Variants in MAP3K14 observed in about 807,000 individuals in gnomAD.
MAP3K14 encodes the protein NF-kappa-beta-inducing kinase.
A neutral mutation model predicts 99.2 loss-of-function variants in MAP3K14; 16 were observed. The ratio of observed to expected loss-of-function variants is 0.16; its 90% CI spans 0.11 to 0.24. The LOEUF (loss-of-function observed/expected upper bound fraction) is 0.24. MAP3K14 is among the 10% of genes least tolerant of loss of function. The probability of loss-of-function intolerance (pLI) is 1.00; values close to 1 mark genes in which losing one functional copy is unlikely to be tolerated. For missense variants in MAP3K14, 784 were observed against 1,208.7 expected (o/e 0.65, Z 5.21); for synonymous variants, 462 against 492.4 (o/e 0.94, Z 0.82).
chr17:45,264,661 T>C lies in MAP3K14; in HGVS notation c.2819A>G (p.His940Arg). 1.9e-6 allele frequency: 3 copies of C among 1,591,164 alleles called. No individual in the cohort carries two copies. The highest frequency in any genetic ancestry group is 1.7e-6 in the Non-Finnish European group (2 of 1,169,402). Residue 940 changes from histidine (H) to arginine (R), a missense_variant, in exon 16 of 16, where the codon CAT (histidine) becomes CGT (arginine). His to Arg is a conservative substitution (Grantham distance 29). Transcript: ENST00000344686. ...TTAGGGCCTGTTCTCCAGCTGGCCA[T>C]GCTTGACCCTCCAGCTCCAGGCGAA... ...GSFAWSWRVKHGQLENRP is the reference protein window; with the variant it reads ...GSFAWSWRVKRGQLENRP
At chr17:45,293,105 G>A (rs921664418) in intron 1 of MAP3K14, among the ~76,000 whole-genome samples, 6 of 152,204 alleles carry the variant, frequency 3.9e-5, no homozygotes, top group African/African-American at 9.7e-5. Context: ...CGCAACTGAC[G>A]CTGGCTGAAC....
chr17:45,313,040 C>T (rs2044496337), intron 1 of MAP3K14, among the ~76,000 whole-genome samples: 1 of 152,142 alleles, frequency 6.6e-6, no homozygotes, highest in African/African-American at 2.4e-5. Flanking sequence ...TTAGGATTGT[C>T]AACTGGGCAG....
In MAP3K14 at chr17:45,266,580, C is replaced by T; in HGVS notation, c.2535G>A (p.Val845=). 1 of 1,613,432 alleles carries T rather than the reference C, an allele frequency of 6.2e-7. No homozygotes were observed. The highest frequency in any genetic ancestry group is 8.5e-7 in the Non-Finnish European group (1 of 1,179,728). ...AEARSSSWNM[V]LARGRPTDTP... ...TGTCGGTGGGCCGCCCCCGGGCCAG[C>T]ACCATGTTCCAGCTGGAGCTTCGAG... The change falls in exon 14 of 16, where the codon GTG becomes GTA. Residue 845 remains valine (V), a synonymous_variant. Coordinates refer to ENST00000344686, the MANE Select transcript of MAP3K14 (RefSeq NM_003954.5).
intron 1 of MAP3K14, among the ~76,000 whole-genome samples, chr17:45,313,411 T>A (rs567493629): frequency 1.2e-4 from 18 of 152,258 alleles, no homozygotes; most frequent in African/African-American, 4.3e-4. Context: ...CTCCTCTCAT[T>A]TTCTACTCAA....
At chr17:45,274,309 C>A in intron 7 of MAP3K14, 55 bp from the exon 8 acceptor site, 1 of 1,580,204 alleles carries the variant, frequency 6.3e-7, no homozygotes, top group Non-Finnish European at 8.6e-7. Flanking sequence ...TCCATGCCAG[C>A]CAAGGGCAAG....
Position 45,284,915 on chromosome 17 carries a change from T to C in MAP3K14, c.1187A>G (p.Glu396Gly), listed in dbSNP as rs1400890472. 1 of 1,554,582 alleles carries C rather than the reference T, an allele frequency of 6.4e-7. No homozygotes were observed. The highest frequency in any genetic ancestry group is 8.7e-7 in the Non-Finnish European group (1 of 1,148,696). Reference sequence around the variant, plus strand: ...GAGCTGGTGCGTGGCCCAGTGGACTTCTTCTCGGTACTCATAATCCACTGG... The same window carrying C: ...GAGCTGGTGCGTGGCCCAGTGGACTCCTTCTCGGTACTCATAATCCACTGG... The part of the protein sequence containing the change: ...LKPVDYEYRE[E>G]VHWATHQLRL... The change falls in exon 6 of 16, where the codon GAA (glutamate) becomes GGA (glycine). Residue 396 changes from glutamate (E) to glycine (G), a missense_variant. Glu to Gly is a moderately conservative substitution (Grantham distance 98). Around this residue, in one of 5 missense-constraint regions of MAP3K14, gnomAD observed 200 missense variants for 367.9 expected, o/e 0.54. Coordinates refer to ENST00000344686, the MANE Select transcript of MAP3K14 (RefSeq NM_003954.5).
chr17:45,266,310 A>C, intron 14 of MAP3K14: 1 of 469,626 alleles, frequency 2.1e-6, no homozygotes, highest in Non-Finnish European at 3.8e-6. Flanking sequence ...TCAACTGACA[A>C]TGAGGGGATA....
At chr17:45,285,967 T>TAA (rs549960630) in intron 5 of MAP3K14, among the ~76,000 whole-genome samples, 21 of 125,460 alleles carry the variant, frequency 1.7e-4, no homozygotes, top group Non-Finnish European at 1.8e-4. Flanking sequence ...ACACATTTAT[T>TAA]AAAAAAAAAA....
At chr17:45,312,809 G>C (rs892338864) in intron 1 of MAP3K14, among the ~76,000 whole-genome samples, 5 of 152,186 alleles carry the variant, frequency 3.3e-5, no homozygotes, top group Non-Finnish European at 5.9e-5. Context: ...CTTTACGAGG[G>C]GGAAAGGGTG....
chr17:45,310,372 G>C (rs945889429), intron 1 of MAP3K14, among the ~76,000 whole-genome samples: 4 of 152,146 alleles, frequency 2.6e-5, no homozygotes, highest in African/African-American at 9.7e-5. Context: ...ATCCTCATTG[G>C]AGGCTGGCTA....
Position 45,287,254 on chromosome 17 carries a change from C to T in MAP3K14, c.437G>A (p.Arg146Gln), listed in dbSNP as rs1171827253. 5.6e-6 allele frequency: 9 copies of T among 1,613,900 alleles called. No homozygotes were observed. Among genetic ancestry groups the T allele is most frequent in the African/African-American group, 4.0e-5 (3 of 74,940 alleles). The change falls in exon 4 of 16, where the codon CGG becomes CAG. Residue 146 changes from arginine (R) to glutamine (Q), a missense_variant. Physicochemically the swap from Arg to Gln is conservative, Grantham distance 43. This residue lies in a region of MAP3K14 where 188 missense variants were observed against 313.0 expected (regional missense o/e 0.60). Transcript: ENST00000344686. ...GKRRSKARKK[R>Q]KKKSSKSLAH... ...CAGGGACTTTGAGCTCTTCTTCTTC[C>T]GTTTCTTCCGGGCTTTGCTGCGACG...
rs113932377 is a variant in MAP3K14 at position 45,312,605 on chromosome 17, G to A, written c.-21+4355C>T. 5.4e-3 allele frequency among the ~76,000 whole-genome samples: 817 copies of A among 152,112 alleles called. 4 individuals are homozygous for A. Among genetic ancestry groups the A allele is most frequent in the Non-Finnish European group, 8.2e-3 (557 of 68,010 alleles). On this transcript the variant is annotated intron_variant, in intron 1 of 15. Transcript: ENST00000344686. ...TTTTTCTTTCAAGAGATGGGGTCTC[G>A]CTATGTTGCCCATAGCTACTTGACC...
intron 8 of MAP3K14, 137 bp from the exon 9 acceptor site, chr17:45,273,744 T>C (rs1214797992): frequency 1.4e-6 from 1 of 731,204 alleles, no homozygotes; most frequent in Admixed American, 2.0e-5. Flanking sequence ...TTCTGATTAG[T>C]TTCATTAATC....
At chr17:45,273,403 G>T in intron 9 of MAP3K14, 100 bp downstream of exon 9, 1 of 855,914 alleles carries the variant, frequency 1.2e-6, no homozygotes. Context: ...ACACACAGGT[G>T]GACCTAAGTG....
intron 1 of MAP3K14, among the ~76,000 whole-genome samples, chr17:45,313,808 A>G (rs2044504987): frequency 6.6e-6 from 1 of 152,236 alleles, no homozygotes; most frequent in Non-Finnish European, 1.5e-5. Flanking sequence ...GTTTGGGGGA[A>G]GAAAATCCTT....
chr17:45,292,334 G>A (rs2044316980), intron 1 of MAP3K14, among the ~76,000 whole-genome samples: 1 of 152,218 alleles, frequency 6.6e-6, no homozygotes, highest in African/African-American at 2.4e-5. Flanking sequence ...GGAGGCTGAG[G>A]CAGAAGGATT....
rs751517422 is a variant in MAP3K14 at position 45,264,660 on chromosome 17, A to G, written c.2820T>C (p.His940=). Residue 940 remains histidine (H), a synonymous_variant, in exon 16 of 16, where the codon CAT becomes CAC. Coordinates refer to ENST00000344686, the MANE Select transcript of MAP3K14 (RefSeq NM_003954.5). ...GTTAGGGCCTGTTCTCCAGCTGGCCATGCTTGACCCTCCAGCTCCAGGCGA... is the reference window on the plus strand; with the variant it reads ...GTTAGGGCCTGTTCTCCAGCTGGCCGTGCTTGACCCTCCAGCTCCAGGCGA... ...GSFAWSWRVK[H]GQLENRP is the part of the protein sequence containing the mutation. The G allele has an allele frequency of 2.5e-6, 4 of 1,590,738 alleles. No homozygotes were observed. Among genetic ancestry groups the G allele is most frequent in the Non-Finnish European group, 8.6e-7 (1 of 1,169,184 alleles).
chr17:45,271,118 C>A lies in MAP3K14; in HGVS notation c.1761G>T (p.Leu587=), dbSNP rs2044139703. 6.2e-7 allele frequency: 1 copy of A among 1,613,198 alleles called. No individual in the cohort carries two copies. The highest frequency in any genetic ancestry group is 1.7e-5 in the Admixed American group (1 of 59,786). The change falls in exon 10 of 16, where the codon CTG becomes CTT. Residue 587 remains leucine, a synonymous_variant. Coordinates refer to ENST00000344686, the MANE Select transcript of MAP3K14 (RefSeq NM_003954.5). The part of the protein sequence containing the change: ...VDVWSSCCMM[L]HMLNGCHPWT... ...AGGGGTGGCAGCCGTTGAGCATGTG[C>A]AGCATCATACAGCAGCTGCTCCAGA...
intron 2 of MAP3K14, among the ~76,000 whole-genome samples, chr17:45,289,510 C>G (rs2044294465): frequency 6.6e-6 from 1 of 152,092 alleles, no homozygotes; most frequent in African/African-American, 2.4e-5. Context: ...AAGAGCAGAC[C>G]ACGGCCTCAG....
Sources: allele counts gnomAD v4.1 joint callset (sites outside exome capture counted in the v4.1 genomes callset), GRCh38; gene constraint gnomAD v4.1.1; regional missense constraint gnomAD v4.1.1; transcripts MANE v1.5; gene names NCBI Gene and HGNC (gene_info 2026-07-23, HGNC 2026-07-21).